CFAP61: variants seen among roughly 807,000 people sequenced by gnomAD.
CFAP61 encodes cilia and flagella associated protein 61.
CFAP61 carries 107 observed loss-of-function variants against 135.6 expected under a neutral mutation model. The ratio of observed to expected loss-of-function variants is 0.79; its 90% CI spans 0.67 to 0.93. The LOEUF is 0.93. Among genes scored for constraint, CFAP61 ranks in the 40% least tolerant of loss-of-function variants. The pLI, the probability that CFAP61 is intolerant of heterozygous loss-of-function variation, is 0.00. For missense variants in CFAP61, 1,507 were observed against 1,556.2 expected, an observed-to-expected ratio of 0.97 and a Z score of 0.53; for synonymous variants, 575 against 578.5, an observed-to-expected ratio of 0.99 and a Z score of 0.09.
chr20:20,298,493 A>G (rs1221362874), intron 25 of CFAP61, 107 bp downstream of exon 25: 2 of 893,366 alleles, frequency 2.2e-6, no homozygotes, highest in Non-Finnish European at 3.5e-6. Flanking sequence ...CGGGAATCCC[A>G]GAGAGAGGCT....
At chr20:20,262,899 C>A in intron 20 of CFAP61, 57 bp from the exon 21 acceptor site, 1 of 1,120,354 alleles carries the variant, frequency 8.9e-7, no homozygotes, top group Non-Finnish European at 1.2e-6. Flanking sequence ...TTTTTTTAAC[C>A]ACTGTCACCA....
chr20:20,184,214 T>G (rs1222186130), intron 13 of CFAP61, among the ~76,000 whole-genome samples: 1 of 152,128 alleles, frequency 6.6e-6, no homozygotes, highest in Non-Finnish European at 1.5e-5. Context: ...TCTTTATAAC[T>G]CAGTTGTAGT....
At chr20:20,341,693 G>C (rs1469707461) in intron 25 of CFAP61, 138 bp from the exon 26 acceptor site, 11 of 581,728 alleles carry the variant, frequency 1.9e-5, no homozygotes, top group Non-Finnish European at 3.0e-5. Flanking sequence ...TGGTCAGGCT[G>C]TTCCACAAGA....
At position 20,270,182 on chromosome 20, in the gene CFAP61, T is replaced by A. The variant is rs185784023; in HGVS notation, c.2504-6984T>A. ...TATAATAACTATGAAGAAAACTTCA[T>A]GTTAATATTGTGTGCATAAATCCTG... On this transcript the variant is annotated intron_variant, in intron 21 of 26. Transcript: ENST00000245957. 2.9e-4 allele frequency among the ~76,000 whole-genome samples: 44 copies of A among 152,310 alleles called. No homozygotes were observed. The East Asian group carries it at 8.1e-3, about 28-fold the overall frequency.
chr20:20,315,586 G>T (rs2057081532), intron 25 of CFAP61, among the ~76,000 whole-genome samples: 1 of 151,366 alleles, frequency 6.6e-6, no homozygotes, highest in South Asian at 2.1e-4. Context: ...CATTGCTTTT[G>T]GTGTTTTAGA....
At chr20:20,166,871 C>A (rs2053877331) in intron 12 of CFAP61, among the ~76,000 whole-genome samples, 2 of 152,158 alleles carry the variant, frequency 1.3e-5, no homozygotes, top group African/African-American at 4.8e-5. Flanking sequence ...TCAGGCCTGA[C>A]TTCATGCCTG....
intron 26 of CFAP61, among the ~76,000 whole-genome samples, chr20:20,344,642 A>G (rs62200211): frequency 0.16 from 24,613 of 152,172 alleles, 2,457 homozygotes; most frequent in East Asian, 0.31. Flanking sequence ...ACCCTCACAT[A>G]CTGTTGGTGG....
intron 8 of CFAP61, among the ~76,000 whole-genome samples, chr20:20,139,320 A>T (rs2051183636): frequency 6.6e-6 from 1 of 152,228 alleles, no homozygotes; most frequent in Admixed American, 6.5e-5. Flanking sequence ...TGCTGGGAAG[A>T]TGCCTGAACC....
chr20:20,267,734 G>C (rs1037662294), intron 21 of CFAP61: 1 of 152,270 alleles, frequency 6.6e-6, no homozygotes, highest in Non-Finnish European at 1.5e-5. Context: ...GAGTTAAACA[G>C]GGTTTTACTG....
rs1255979024 is a variant in CFAP61, at chr20:20,298,392, T to C, written c.3422+6T>C. The C allele has an allele frequency of 1.2e-6, 2 of 1,610,214 alleles. No individual in the cohort carries two copies. The highest frequency in any genetic ancestry group is 1.7e-6 in the Non-Finnish European group (2 of 1,176,584). On this transcript the variant is annotated splice_donor_region_variant and intron_variant, in intron 25 of 26. Transcript: ENST00000245957. The stretch of plus-strand genomic sequence containing the variant: ...CTGATCACAGATCTCTATAGGTGAG[T>C]TGGACATTGCATTTGACTACAGGGA...
chr20:20,283,727 C>T (rs1009608357), intron 22 of CFAP61, among the ~76,000 whole-genome samples: 2 of 152,208 alleles, frequency 1.3e-5, no homozygotes, highest in Non-Finnish European at 2.9e-5. Context: ...CAGAGGTCCC[C>T]ACTTCCTTGC....
intron 17 of CFAP61, among the ~76,000 whole-genome samples, chr20:20,202,940 G>T (rs1003284710): frequency 9.2e-5 from 14 of 152,010 alleles, no homozygotes; most frequent in Non-Finnish European, 1.8e-4. Flanking sequence ...CAAGGGAACA[G>T]ATCACTCCAG....
chr20:20,077,823 CAG>C (rs35476474), intron 6 of CFAP61, among the ~76,000 whole-genome samples: 15,343 of 152,124 alleles, frequency 0.1, 2,590 homozygotes, highest in African/African-American at 0.35. Context: ...GTTGTGGAGA[CAG>C]AGGTTCTTAT....
intron 13 of CFAP61, among the ~76,000 whole-genome samples, chr20:20,174,306 C>T (rs1274351557): frequency 1.3e-5 from 2 of 152,184 alleles, no homozygotes; most frequent in Admixed American, 6.5e-5. Flanking sequence ...CCTGCCTGTG[C>T]ACCTCTGTAG....
chr20:20,131,949 C>T (rs1211930030), intron 8 of CFAP61, among the ~76,000 whole-genome samples: 1 of 151,726 alleles, frequency 6.6e-6, no homozygotes, highest in African/African-American at 2.4e-5. Flanking sequence ...AATTGTGGTA[C>T]TCTTTCAACA....
chr20:20,340,227 C>T (rs2058386650), intron 25 of CFAP61, among the ~76,000 whole-genome samples: 1 of 152,184 alleles, frequency 6.6e-6, no homozygotes, highest in African/African-American at 2.4e-5. Context: ...GGGAGAACAC[C>T]ACTCTATTTC....
At chr20:20,120,222 G>C (rs1480283758) in intron 8 of CFAP61, among the ~76,000 whole-genome samples, 1 of 152,076 alleles carries the variant, frequency 6.6e-6, no homozygotes, top group Admixed American at 6.6e-5. Flanking sequence ...GAGGTACATC[G>C]TTAAGTTGTT....
chr20:20,145,437 T>G (rs1403428860), intron 9 of CFAP61, among the ~76,000 whole-genome samples: 6 of 151,920 alleles, frequency 3.9e-5, no homozygotes, highest in Admixed American at 6.6e-5. Context: ...AATACAAAAT[T>G]AGACCAAAAG....
chr20:20,290,674 CGACAGCT>C (rs1287165266), intron 24 of CFAP61, among the ~76,000 whole-genome samples: 2 of 152,212 alleles, frequency 1.3e-5, no homozygotes, highest in Non-Finnish European at 2.9e-5. Flanking sequence ...AAGAAAGATA[CGACAGCT>C]TCCAGCTTGC....
Sources: allele counts gnomAD v4.1 joint callset (sites outside exome capture counted in the v4.1 genomes callset), GRCh38; gene constraint gnomAD v4.1.1; transcripts MANE v1.5; gene names NCBI Gene and HGNC (gene_info 2026-07-23, HGNC 2026-07-21).